SHROOM2: variants seen among roughly 807,000 people sequenced by gnomAD.
SHROOM2 encodes protein Shroom2.
SHROOM2 carries 33 observed loss-of-function variants against 75.9 expected under a neutral mutation model. The observed-to-expected ratio is 0.43, with a 90% CI of 0.33 to 0.58. The LOEUF (loss-of-function observed/expected upper bound fraction) is 0.58. Ranked by LOEUF, SHROOM2 falls within the 20% of genes least tolerant of loss-of-function variation. The pLI, the probability that SHROOM2 is intolerant of heterozygous loss-of-function variation, is 0.04. For missense variants in SHROOM2, 1,434 were observed against 1,461.2 expected, an observed-to-expected ratio of 0.98 and a Z score of 0.30; for synonymous variants, 655 against 663.6, an observed-to-expected ratio of 0.99 and a Z score of 0.20.
intron 5 of SHROOM2, among the ~76,000 whole-genome samples, chrX:9,921,444 C>A (rs2084543906): frequency 9.6e-6 from 1 of 103,986 alleles, no homozygotes; most frequent in Non-Finnish European, 2.0e-5. Context: ...AGTTTTCTCC[C>A]ACCCTGTCAA....
At chrX:9,933,134 A>G (rs1382728393) in intron 6 of SHROOM2, among the ~76,000 whole-genome samples, 1 of 111,049 alleles carries the variant, frequency 9.0e-6, no homozygotes, top group Non-Finnish European at 1.9e-5. Context: ...CCTCCAAGCC[A>G]GATGCATTTA....
At chrX:9,842,200 C>T (rs917331846) in intron 1 of SHROOM2, among the ~76,000 whole-genome samples, 1 of 112,245 alleles carries the variant, frequency 8.9e-6, no homozygotes, top group African/African-American at 3.2e-5. Flanking sequence ...TTTTAATACT[C>T]GTTAAGGCAA....
chrX:9,806,381 T>C (rs1290872241), intron 1 of SHROOM2, among the ~76,000 whole-genome samples: 2 of 109,434 alleles, frequency 1.8e-5, no homozygotes, highest in Non-Finnish European at 3.8e-5. Context: ...AATGATTTAC[T>C]ATATAATATT....
At chrX:9,915,264 C>T (rs1353236205) in intron 5 of SHROOM2, among the ~76,000 whole-genome samples, 1 of 111,606 alleles carries the variant, frequency 9.0e-6, no homozygotes, top group Admixed American at 9.6e-5. Context: ...TCCCTTCAGT[C>T]ATATTTCCAG....
At chrX:9,871,209 A>G (rs946250371) in intron 1 of SHROOM2, among the ~76,000 whole-genome samples, 9 of 112,106 alleles carry the variant, frequency 8.0e-5, no homozygotes, top group Non-Finnish European at 1.5e-4. Context: ...AGGGGGCAAT[A>G]GAAATAAGCA....
chrX:9,792,413 T>C (rs1237716654), intron 1 of SHROOM2, among the ~76,000 whole-genome samples: 2 of 109,359 alleles, frequency 1.8e-5, no homozygotes, highest in Non-Finnish European at 3.8e-5. Flanking sequence ...AAAGGTAACA[T>C]TTTTTTCCCC....
intron 1 of SHROOM2, among the ~76,000 whole-genome samples, chrX:9,789,504 A>G (rs1358394561): frequency 3.6e-5 from 4 of 111,467 alleles, no homozygotes; most frequent in Non-Finnish European, 7.5e-5. Flanking sequence ...GTAGGAATCT[A>G]TGTAACGGAA....
chrX:9,878,679 C>T (rs1407117238), intron 2 of SHROOM2, among the ~76,000 whole-genome samples: 2 of 111,521 alleles, frequency 1.8e-5, no homozygotes, highest in Non-Finnish European at 3.8e-5. Flanking sequence ...CTACTCGCAA[C>T]GGTGGCAGCA....
At chrX:9,917,572 G>A (rs974043495) in intron 5 of SHROOM2, among the ~76,000 whole-genome samples, 4 of 111,525 alleles carry the variant, frequency 3.6e-5, no homozygotes, top group Admixed American at 9.5e-5. Context: ...CCAGGCTGGA[G>A]TGCAGTGCCG....
chrX:9,831,995 G>GT (rs1569144550), intron 1 of SHROOM2, among the ~76,000 whole-genome samples: 2 of 111,964 alleles, frequency 1.8e-5, no homozygotes, highest in Non-Finnish European at 3.8e-5. Context: ...GCACACGCCA[G>GT]TTAGGAGCCA....
At chrX:9,890,823 C>T (rs754928743) in intron 2 of SHROOM2, among the ~76,000 whole-genome samples, 154 bp from the exon 3 acceptor site, 3 of 108,396 alleles carry the variant, frequency 2.8e-5, no homozygotes, top group African/African-American at 1.0e-4. Flanking sequence ...TTGGCACAAG[C>T]GCACGTGCGC....
In SHROOM2 at chrX:9,944,694, C is replaced by A. The variant is rs770146428; in HGVS notation, c.4365C>A (p.Arg1455=). 8.3e-7 allele frequency: 1 copy of A among 1,209,394 alleles called. No individual in the cohort carries two copies. The highest frequency in any genetic ancestry group is 2.2e-5 in the Admixed American group (1 of 45,751). Residue 1455 remains arginine, a synonymous_variant, in exon 9 of 10, where the codon CGC becomes CGA. Coordinates refer to ENST00000380913, the MANE Select transcript of SHROOM2 (RefSeq NM_001649.4). ...AGCTGCAGGTGCTCCGGGAGGCCCG[C>A]GAGAGCCTGCTGGAGGACGTGCAGG... The part of the protein sequence containing the change: ...SRKLQVLREA[R]ESLLEDVQAN...
intron 6 of SHROOM2, among the ~76,000 whole-genome samples, chrX:9,933,965 T>C (rs1039451969): frequency 9.0e-6 from 1 of 111,587 alleles, no homozygotes; most frequent in Non-Finnish European, 1.9e-5. Context: ...ACAGTTTTTG[T>C]TGTCCTAAGT....
chrX:9,899,697 T>A (rs2084354887), intron 5 of SHROOM2, among the ~76,000 whole-genome samples: 1 of 112,259 alleles, frequency 8.9e-6, no homozygotes, highest in African/African-American at 3.2e-5. Context: ...AAACCAAGAA[T>A]GCGTGGGTCA....
At chrX:9,842,856 G>A (rs999854383) in intron 1 of SHROOM2, among the ~76,000 whole-genome samples, 2 of 111,448 alleles carry the variant, frequency 1.8e-5, no homozygotes, top group African/African-American at 6.5e-5. Context: ...GGGGTTGGGT[G>A]GGGTCTGTCT....
intron 5 of SHROOM2, among the ~76,000 whole-genome samples, chrX:9,922,774 G>C (rs2084558603): frequency 1.8e-5 from 2 of 110,653 alleles, no homozygotes; most frequent in South Asian, 7.9e-4. Context: ...AGGTGTGTGA[G>C]AGTCTCCTTC....
intron 1 of SHROOM2, among the ~76,000 whole-genome samples, chrX:9,839,175 C>T (rs150625432): frequency 9.0e-6 from 1 of 111,335 alleles, no homozygotes; most frequent in Non-Finnish European, 1.9e-5. Flanking sequence ...CTGTCACTTC[C>T]GAATTGGTGT....
At chrX:9,930,688 C>A (rs888317986) in intron 5 of SHROOM2, among the ~76,000 whole-genome samples, 1 of 111,250 alleles carries the variant, frequency 9.0e-6, no homozygotes, top group Non-Finnish European at 1.9e-5. Flanking sequence ...TGTTTTATAA[C>A]CAGACAAATG....
intron 1 of SHROOM2, among the ~76,000 whole-genome samples, chrX:9,853,569 A>C (rs767098431): frequency 2.7e-5 from 3 of 111,255 alleles, no homozygotes; most frequent in Admixed American, 9.5e-5. Flanking sequence ...CATCATGCCA[A>C]TCTCTGCTTC....
Sources: allele counts gnomAD v4.1 joint callset (sites outside exome capture counted in the v4.1 genomes callset), GRCh38; gene constraint gnomAD v4.1.1; transcripts MANE v1.5; gene names NCBI Gene and HGNC (gene_info 2026-07-23, HGNC 2026-07-21).